Variants in AHI1 observed in about 807,000 individuals in gnomAD.
AHI1 encodes jouberin.
AHI1 carries 123 observed loss-of-function variants against 149.3 expected under a neutral mutation model. The ratio of observed to expected loss-of-function variants is 0.82; its 90% confidence interval spans 0.71 to 0.96. AHI1 has a LOEUF of 0.96. Among genes scored for constraint, AHI1 ranks in the 40% least tolerant of loss-of-function variants. AHI1 has a pLI of 0.00. For missense variants in AHI1, 1,439 were observed against 1,422.7 expected (o/e 1.01, Z -0.18); for synonymous variants, 475 against 459.8 (o/e 1.03, Z -0.42).
chr6:135,333,592 G>A (rs1379879082), intron 24 of AHI1, among the ~76,000 whole-genome samples: 1 of 152,182 alleles, frequency 6.6e-6, no homozygotes, highest in African/African-American at 2.4e-5. Context: ...TCAGATAAAT[G>A]ATCTGTTCCT....
rs140797151 is a variant in AHI1 at position 135,477,660 on chromosome 6, A to ACT, written c.136-10028_136-10027dup. On this transcript the variant is annotated intron_variant, in intron 5 of 28. Coordinates refer to ENST00000265602, the MANE Select transcript of AHI1 (RefSeq NM_001134831.2). ...AAGTGTGTAGCACGTCCTCCTTCGC[A>ACT]CTCTCTCTCTCTCTCTCTCCTGCTC... Among the ~76,000 whole-genome samples the ACT allele has an allele frequency of 5.3e-3, 777 of 145,876 alleles. 11 individuals carry two copies. Among genetic ancestry groups the ACT allele is most frequent in the Admixed American group, 0.027 (389 of 14,650 alleles).
rs1248551968 is a variant in AHI1 at position 135,332,069 on chromosome 6, G to C, written c.3166-8745C>G. Among the ~76,000 whole-genome samples the C allele has an allele frequency of 4.7e-5, 7 of 150,376 alleles. No individual in the cohort carries two copies. The South Asian group carries it at 8.4e-4, about 18-fold the overall frequency. Reference sequence around the variant, plus strand: ...TACTTGATATCCGTTTTCAGGTTTAGGTTTTTTTTTTTTTTTTTCAGACGG... The same window carrying C: ...TACTTGATATCCGTTTTCAGGTTTACGTTTTTTTTTTTTTTTTTCAGACGG... On this transcript the variant is annotated intron_variant, in intron 24 of 28. Transcript: ENST00000265602.
At chr6:135,324,535 T>C (rs1787346996) in intron 24 of AHI1, among the ~76,000 whole-genome samples, 1 of 114,256 alleles carries the variant, frequency 8.8e-6, no homozygotes, top group African/African-American at 3.9e-5. Flanking sequence ...GAAAATTACA[T>C]ATATAGTTAT....
At chr6:135,321,230 T>G (rs1786773605) in intron 25 of AHI1, among the ~76,000 whole-genome samples, 1 of 151,882 alleles carries the variant, frequency 6.6e-6, no homozygotes, top group African/African-American at 2.4e-5. Flanking sequence ...ATCACTGCAC[T>G]CTAGCCTGGG....
intron 23 of AHI1, 46 bp from the exon 24 acceptor site, chr6:135,358,233 A>G: frequency 6.7e-7 from 1 of 1,493,732 alleles, no homozygotes; most frequent in Non-Finnish European, 9.3e-7. Flanking sequence ...AAGCCTGTCC[A>G]TTTTATGTTG....
intron 14 of AHI1, among the ~76,000 whole-genome samples, 187 bp from the exon 15 acceptor site, chr6:135,438,685 A>T (rs995446692): frequency 2.0e-5 from 3 of 152,146 alleles, no homozygotes; most frequent in Non-Finnish European, 2.9e-5. Flanking sequence ...TTACACAAAA[A>T]TTCACATGCA....
At chr6:135,482,341 C>A (rs145179483) in intron 5 of AHI1, among the ~76,000 whole-genome samples, 14 of 152,298 alleles carry the variant, frequency 9.2e-5, no homozygotes, top group Non-Finnish European at 1.8e-4. Flanking sequence ...TACCAACTTC[C>A]ATGATGTAAG....
At chr6:135,472,025 A>AAAAAAAAAAC (rs1302715342) in intron 5 of AHI1, among the ~76,000 whole-genome samples, 1 of 123,280 alleles carries the variant, frequency 8.1e-6, no homozygotes, top group African/African-American at 3.8e-5. Flanking sequence ...TCTCAAAAAA[A>AAAAAAAAAAC]AAAAAAAAAA....
At chr6:135,497,010 T>G (rs1177285674) in intron 2 of AHI1, among the ~76,000 whole-genome samples, 178 bp downstream of exon 2, 1 of 152,240 alleles carries the variant, frequency 6.6e-6, no homozygotes, top group African/African-American at 2.4e-5. Context: ...TGGCATCTCT[T>G]TCTCAAAAGA....
At chr6:135,295,220 A>G (rs754451599) in intron 27 of AHI1, among the ~76,000 whole-genome samples, 2 of 152,232 alleles carry the variant, frequency 1.3e-5, no homozygotes, top group Non-Finnish European at 2.9e-5. Context: ...CAACAATGAT[A>G]TATCTCTACA....
At chr6:135,376,105 C>T (rs1363257797) in intron 23 of AHI1, among the ~76,000 whole-genome samples, 3 of 143,098 alleles carry the variant, frequency 2.1e-5, no homozygotes, top group East Asian at 2.0e-4. Flanking sequence ...GGGGGCGGGG[C>T]GGGGCGCAGT....
chr6:135,313,763 C>T (rs1785532829), intron 26 of AHI1, among the ~76,000 whole-genome samples: 1 of 152,088 alleles, frequency 6.6e-6, no homozygotes, highest in Admixed American at 6.6e-5. Context: ...ACAGGCACAT[C>T]AGGAAGAGGA....
In AHI1 at chr6:135,427,097, C is replaced by T. The variant is rs540412037; in HGVS notation, c.2764+70G>A. ...CTTTTGTCAACATTTGAATTCCAGA[C>T]AGATTCCTGGTTTAGTCTAAATGTA... On this transcript the variant is annotated intron_variant, in intron 20 of 28. Transcript: ENST00000265602. 2.7e-6 allele frequency: 4 copies of T among 1,460,158 alleles called. No homozygotes were observed. In the Admixed American group the frequency reaches 6.1e-5, roughly 22 times the overall value. 90.5% of individuals were successfully genotyped at this position (1,460,158 alleles called of 1,614,324 possible). A position where few individuals can be genotyped will look rare whatever the true frequency, so the allele number is the denominator to read the frequency against.
intron 27 of AHI1, among the ~76,000 whole-genome samples, chr6:135,291,239 G>C (rs1782318172): frequency 6.6e-6 from 1 of 152,126 alleles, no homozygotes; most frequent in South Asian, 2.1e-4. Flanking sequence ...AAAGATACAA[G>C]AATTTCAAAA....
At chr6:135,474,078 T>C (rs1236817564) in intron 5 of AHI1, among the ~76,000 whole-genome samples, 4 of 152,206 alleles carry the variant, frequency 2.6e-5, no homozygotes, top group African/African-American at 9.7e-5. Context: ...TGTAGGCTAA[T>C]GTAAATGTTC....
At chr6:135,399,986 T>C (rs1198241757) in intron 22 of AHI1, among the ~76,000 whole-genome samples, 2 of 152,068 alleles carry the variant, frequency 1.3e-5, no homozygotes, top group Non-Finnish European at 2.9e-5. Flanking sequence ...TATGGATTAT[T>C]ACATCACACG....
chr6:135,297,393 A>C (rs754130240), intron 27 of AHI1: 1 of 455,138 alleles, frequency 2.2e-6, no homozygotes, highest in South Asian at 1.6e-5. Flanking sequence ...ATCACATCCA[A>C]ATGCCCTCCC....
intron 1 of AHI1, among the ~76,000 whole-genome samples, 158 bp downstream of exon 1, chr6:135,497,424 AT>A (rs978075299): frequency 2.6e-5 from 4 of 152,178 alleles, no homozygotes; most frequent in African/African-American, 9.7e-5. Context: ...CAGAAATCGC[AT>A]TCCCCCGGGA....
intron 8 of AHI1, among the ~76,000 whole-genome samples, chr6:135,458,994 G>A (rs1789437851): frequency 6.6e-6 from 1 of 152,162 alleles, no homozygotes; most frequent in Non-Finnish European, 1.5e-5. Flanking sequence ...GACAGAATAA[G>A]TAGACCAAAA....
Sources: gnomAD v4.1 joint callset for allele counts (sites outside exome capture counted in the v4.1 genomes callset) on GRCh38, gnomAD v4.1.1 for gene constraint, MANE v1.5 for transcripts, NCBI Gene and HGNC (gene_info 2026-07-23, HGNC 2026-07-21) for gene names.